Variants in COL22A1 observed in about 807,000 individuals in gnomAD.
The protein encoded by COL22A1 is collagen type XXII alpha 1 chain.
Under a neutral mutation model 248.9 loss-of-function variants are expected in COL22A1, and 221 were observed. The ratio of observed to expected loss-of-function variants is 0.89; its 90% CI spans 0.80 to 0.99. The LOEUF is 0.99. Ranked by LOEUF, COL22A1 falls within the 50% of genes least tolerant of loss-of-function variation. The pLI, the probability that COL22A1 is intolerant of heterozygous loss-of-function variation, is 0.00. For synonymous variants in COL22A1, 891 were observed against 793.4 expected (o/e 1.12, Z -2.07); for missense variants, 2,240 against 2,179.0 (o/e 1.03, Z -0.56).
At chr8:138,612,674 C>A in intron 56 of COL22A1, among the ~76,000 whole-genome samples, 1 of 152,098 alleles carries the variant, frequency 6.6e-6, no homozygotes, top group Non-Finnish European at 1.5e-5. Context: ...CGCCTGTAAT[C>A]CCAGCACTTT....
chr8:138,630,475 A>G (rs1820611500), intron 50 of COL22A1, among the ~76,000 whole-genome samples: 1 of 152,218 alleles, frequency 6.6e-6, no homozygotes, highest in African/African-American at 2.4e-5. Flanking sequence ...AGATCTTCAT[A>G]TCATTCCAAC....
At chr8:138,752,001 G>T (rs1022688882) in intron 21 of COL22A1, among the ~76,000 whole-genome samples, 1 of 152,180 alleles carries the variant, frequency 6.6e-6, no homozygotes, top group Non-Finnish European at 1.5e-5. Context: ...GAACACTGGC[G>T]CAGGGAGGGG....
At chr8:138,756,222 G>C (rs1832991090) in intron 18 of COL22A1, among the ~76,000 whole-genome samples, 1 of 152,152 alleles carries the variant, frequency 6.6e-6, no homozygotes. Context: ...ATATATTTTG[G>C]CAGGTCTCTT....
At chr8:138,813,144 C>T in intron 7 of COL22A1, 125 bp from the exon 8 acceptor site, 1 of 702,082 alleles carries the variant, frequency 1.4e-6, no homozygotes, top group Non-Finnish European at 2.6e-6. Flanking sequence ...TTCCTGAGTC[C>T]ACCCCAGGAT....
rs542339360 is a variant in COL22A1, at chr8:138,596,374, T to C, written c.4432+530A>G. Among the ~76,000 whole-genome samples, 9 of 152,320 alleles carry C rather than the reference T, an allele frequency of 5.9e-5. No individual in the cohort carries two copies. The South Asian group carries it at 1.9e-3, about 32-fold the overall frequency. On this transcript the variant is annotated intron_variant, in intron 62 of 64. Coordinates refer to ENST00000303045, the MANE Select transcript of COL22A1 (RefSeq NM_152888.3). Reference sequence around the variant, plus strand: ...TGGGGTCACATTTCATCTTTCAACTTGTAGCTCACATGGCCCCTCCTCCAG... The same window carrying C: ...TGGGGTCACATTTCATCTTTCAACTCGTAGCTCACATGGCCCCTCCTCCAG...
At chr8:138,885,427 C>G (rs542118701) in intron 1 of COL22A1, among the ~76,000 whole-genome samples, 4 of 152,266 alleles carry the variant, frequency 2.6e-5, no homozygotes, top group African/African-American at 7.2e-5. Flanking sequence ...CCAAGGAAAG[C>G]CAGACCCCCA....
At chr8:138,764,766 C>T (rs1563731346) in intron 16 of COL22A1, among the ~76,000 whole-genome samples, 1 of 152,148 alleles carries the variant, frequency 6.6e-6, no homozygotes, top group African/African-American at 2.4e-5. Context: ...CAAGACCACC[C>T]TGGCCAACAT....
At chr8:138,733,768 T>C (rs1208304996) in intron 23 of COL22A1, among the ~76,000 whole-genome samples, 11 of 152,176 alleles carry the variant, frequency 7.2e-5, no homozygotes, top group Non-Finnish European at 4.4e-5. Flanking sequence ...CTTTCACATC[T>C]TGAGGCCTTG....
intron 5 of COL22A1, among the ~76,000 whole-genome samples, chr8:138,832,194 T>C (rs1337125906): frequency 6.6e-6 from 1 of 152,112 alleles, no homozygotes; most frequent in East Asian, 1.9e-4. Context: ...TTGTTTAGCA[T>C]ATCATCAAAA....
chr8:138,685,268 C>G lies in COL22A1; in HGVS notation c.2907G>C (p.Arg969Ser). 6.2e-7 allele frequency: 1 copy of G among 1,614,010 alleles called. No individual in the cohort carries two copies. The highest frequency in any genetic ancestry group is 8.5e-7 in the Non-Finnish European group (1 of 1,179,948). Residue 969 changes from arginine to serine, a missense_variant, in exon 38 of 65, where the codon AGG becomes AGC. Coordinates refer to ENST00000303045, the MANE Select transcript of COL22A1 (RefSeq NM_152888.3). ...EEGSPGPVGP[R>S]GDPGAPGLPG... ...GGAGCCCAGGAGCACCAGGATCTCC[C>G]CTGGGACCAACTGGCCCTGGGCTGC...
At chr8:138,759,246 C>A (rs1174533715) in intron 18 of COL22A1, among the ~76,000 whole-genome samples, 1 of 152,160 alleles carries the variant, frequency 6.6e-6, no homozygotes, top group Admixed American at 6.5e-5. Context: ...TTGTCTGCTT[C>A]CATAAGGAGT....
At chr8:138,672,754 T>C (rs1362780319) in intron 41 of COL22A1, among the ~76,000 whole-genome samples, 1 of 152,214 alleles carries the variant, frequency 6.6e-6, no homozygotes, top group Non-Finnish European at 1.5e-5. Flanking sequence ...ATTATCATGT[T>C]GTATTCCTCC....
At chr8:138,640,144 G>A (rs1007374560) in intron 47 of COL22A1, among the ~76,000 whole-genome samples, 1 of 152,054 alleles carries the variant, frequency 6.6e-6, no homozygotes, top group Admixed American at 6.6e-5. Context: ...ATCACATTCT[G>A]GTTTAATGCT....
At chr8:138,877,226 CTG>C (rs1263500340) in intron 3 of COL22A1, among the ~76,000 whole-genome samples, 2 of 152,172 alleles carry the variant, frequency 1.3e-5, no homozygotes, top group African/African-American at 2.4e-5. Flanking sequence ...CACCTCCTGA[CTG>C]TGTCTAAATG....
At chr8:138,639,210 C>T (rs999328559) in intron 47 of COL22A1, among the ~76,000 whole-genome samples, 1 of 152,204 alleles carries the variant, frequency 6.6e-6, no homozygotes, top group Non-Finnish European at 1.5e-5. Context: ...GAAGACCAGA[C>T]AGGTTCAGTC....
At chr8:138,818,768 G>A (rs1013803982) in intron 7 of COL22A1, among the ~76,000 whole-genome samples, 4 of 152,236 alleles carry the variant, frequency 2.6e-5, no homozygotes, top group African/African-American at 9.6e-5. Context: ...TTAGCAGCAG[G>A]CTGAATAATG....
At chr8:138,809,788 G>A (rs917232158) in intron 9 of COL22A1, among the ~76,000 whole-genome samples, 1 of 151,884 alleles carries the variant, frequency 6.6e-6, no homozygotes, top group Non-Finnish European at 1.5e-5. Flanking sequence ...AAAGTGAGAG[G>A]GTGTATTTCT....
At chr8:138,885,409 G>A (rs763575508) in intron 1 of COL22A1, among the ~76,000 whole-genome samples, 2 of 152,052 alleles carry the variant, frequency 1.3e-5, no homozygotes, top group Admixed American at 6.6e-5. Context: ...ACCAGCAGGC[G>A]CATTACTCCA....
At chr8:138,598,639 C>G (rs1199265507) in intron 61 of COL22A1, 80 bp downstream of exon 61, 2 of 1,351,616 alleles carry the variant, frequency 1.5e-6, no homozygotes, top group South Asian at 2.8e-5. Context: ...TAAACTGGTG[C>G]CTCTGAAGTC....
Sources: allele counts gnomAD v4.1 joint callset (sites outside exome capture counted in the v4.1 genomes callset), GRCh38; gene constraint gnomAD v4.1.1; transcripts MANE v1.5; gene names NCBI Gene and HGNC (gene_info 2026-07-23, HGNC 2026-07-21).